VAT1L: variants seen among roughly 807,000 people sequenced by gnomAD.
VAT1L encodes vesicle amine transport 1 like.
A neutral mutation model predicts 44.1 loss-of-function variants in VAT1L; 34 were observed. That is an observed-to-expected ratio of 0.77 (90% CI 0.59 to 1.03). The LOEUF (loss-of-function observed/expected upper bound fraction) is 1.03. Ranked by LOEUF, VAT1L falls within the 50% of genes least tolerant of loss-of-function variation. The pLI, the probability that VAT1L is intolerant of heterozygous loss-of-function variation, is 0.00. For missense variants in VAT1L, 615 were observed against 538.8 expected (o/e 1.14, Z -1.40); for synonymous variants, 253 against 202.2 (o/e 1.25, Z -2.13).
intron 2 of VAT1L, among the ~76,000 whole-genome samples, chr16:77,820,153 A>G (rs961671254): frequency 6.6e-6 from 1 of 152,144 alleles, no homozygotes; most frequent in African/African-American, 2.4e-5. Flanking sequence ...GAATCAGACT[A>G]TCTGAGGCCA....
intron 5 of VAT1L, among the ~76,000 whole-genome samples, chr16:77,878,783 G>C (rs1242063599): frequency 6.6e-6 from 1 of 152,100 alleles, no homozygotes; most frequent in African/African-American, 2.4e-5. Context: ...CCCCTCACTT[G>C]CTGGGGAATC....
chr16:77,840,114 C>A (rs1267617595), intron 3 of VAT1L, among the ~76,000 whole-genome samples: 2 of 152,122 alleles, frequency 1.3e-5, no homozygotes, highest in African/African-American at 4.8e-5. Flanking sequence ...TCTATGGAAT[C>A]GTTAGCTCTC....
intron 7 of VAT1L, chr16:77,892,861 CA>C: frequency 9.6e-7 from 1 of 1,036,496 alleles, no homozygotes. Context: ...GCTTTGGGTC[CA>C]GGAATGGCAA....
At chr16:77,916,682 T>C (rs574616121) in intron 7 of VAT1L, among the ~76,000 whole-genome samples, 1 of 152,318 alleles carries the variant, frequency 6.6e-6, no homozygotes, top group South Asian at 2.1e-4. Context: ...TTATCACCTA[T>C]AGAATGTCAA....
chr16:77,817,299 C>A (rs1383284228), intron 2 of VAT1L, among the ~76,000 whole-genome samples: 2 of 152,180 alleles, frequency 1.3e-5, no homozygotes, highest in Admixed American at 1.3e-4. Flanking sequence ...TCATTCATGT[C>A]ATGCAGCTAT....
intron 7 of VAT1L, among the ~76,000 whole-genome samples, chr16:77,894,229 C>T (rs561988256): frequency 2.0e-5 from 3 of 152,314 alleles, no homozygotes; most frequent in Admixed American, 2.0e-4. Context: ...CACAGAAAGG[C>T]AGCAGTAAAG....
rs1481660703 is a variant in VAT1L, at chr16:77,879,669, C to G, written c.882+445C>G. Among the ~76,000 whole-genome samples the G allele has an allele frequency of 6.6e-6, 1 of 152,216 alleles. No homozygotes were observed. The highest frequency in any genetic ancestry group is 1.5e-5 in the Non-Finnish European group (1 of 68,048). Reference sequence around the variant, plus strand: ...TTCCCATAAAACCTGCACTCCTGCCCTATTCCCTGCAAATGGTCAGGACCA... The same window carrying G: ...TTCCCATAAAACCTGCACTCCTGCCGTATTCCCTGCAAATGGTCAGGACCA... On this transcript the variant is annotated intron_variant, in intron 6 of 8. Coordinates refer to ENST00000302536, the MANE Select transcript of VAT1L (RefSeq NM_020927.3). The surrounding 1 kb of genome is among the most constrained non-coding windows in gnomAD (Gnocchi z 4.1).
intron 8 of VAT1L, among the ~76,000 whole-genome samples, chr16:77,976,348 G>C (rs2018339809): frequency 6.6e-6 from 1 of 152,210 alleles, no homozygotes; most frequent in African/African-American, 2.4e-5. Flanking sequence ...GCTTCCTTGA[G>C]GAAGCAGGAT....
chr16:77,897,546 C>G (rs142277280), intron 7 of VAT1L, among the ~76,000 whole-genome samples: 1 of 152,214 alleles, frequency 6.6e-6, no homozygotes, highest in South Asian at 2.1e-4. Flanking sequence ...TCTCGGCTCA[C>G]TGCAACCTCT....
intron 1 of VAT1L, 79 bp from the exon 2 acceptor site, chr16:77,816,833 AAAAGAAAAG>A (rs1254048093): frequency 6.4e-5 from 93 of 1,453,616 alleles, no homozygotes; most frequent in Middle Eastern, 4.0e-4. Context: ...GGAAAGGAGG[AAAAGAAAAG>A]AAAGAAAAGA....
intron 7 of VAT1L, among the ~76,000 whole-genome samples, chr16:77,933,847 T>G (rs1185170508): frequency 6.6e-6 from 1 of 152,166 alleles, no homozygotes; most frequent in African/African-American, 2.4e-5. Context: ...AGATGGCACA[T>G]AGCCTAGGTC....
intron 7 of VAT1L, among the ~76,000 whole-genome samples, chr16:77,886,040 TA>T (rs141562661): frequency 0.039 from 5,899 of 152,174 alleles, 385 homozygotes; most frequent in African/African-American, 0.14. Context: ...ACCAAAAACA[TA>T]AGGAGAAAAT....
intron 7 of VAT1L, among the ~76,000 whole-genome samples, chr16:77,903,068 A>G (rs982424061): frequency 3.9e-5 from 6 of 152,126 alleles, no homozygotes; most frequent in Admixed American, 6.6e-5. Context: ...AATGTGCAGC[A>G]TTCCCTTTCT....
At chr16:77,938,020 CA>C (rs926874162) in intron 7 of VAT1L, among the ~76,000 whole-genome samples, 28 of 152,342 alleles carry the variant, frequency 1.8e-4, no homozygotes, top group African/African-American at 6.3e-4. Flanking sequence ...GCGTAAAGGG[CA>C]AAACCCTTCT....
rs140474550 is a variant in VAT1L, at chr16:77,910,994, G to C, written c.1077+26192G>C. Among the ~76,000 whole-genome samples the C allele has an allele frequency of 5.0e-3, 761 of 152,300 alleles. 13 individuals carry two copies. Among genetic ancestry groups the C allele is most frequent in the East Asian group, 0.027 (138 of 5,178 alleles). On this transcript the variant is annotated intron_variant, in intron 7 of 8. Coordinates refer to ENST00000302536, the MANE Select transcript of VAT1L (RefSeq NM_020927.3). ...TCCCAGAGTCACATTGCTAACAAGT[G>C]GCACAGCAGGGATCTGAACCCATGC... is the stretch of plus-strand genomic sequence containing the variant.
At chr16:77,927,035 T>C (rs759608269) in intron 7 of VAT1L, among the ~76,000 whole-genome samples, 1 of 152,074 alleles carries the variant, frequency 6.6e-6, no homozygotes, top group Non-Finnish European at 1.5e-5. Context: ...CCTGAGGAAT[T>C]AGTACACATC....
In VAT1L at chr16:77,828,157, G is replaced by T. The variant is rs1299938457; in HGVS notation, c.579+2696G>T. 2.0e-5 allele frequency among the ~76,000 whole-genome samples: 3 copies of T among 152,306 alleles called. No homozygotes were observed. The East Asian group carries it at 5.8e-4, about 29-fold the overall frequency. On this transcript the variant is annotated intron_variant, in intron 3 of 8. Coordinates refer to ENST00000302536, the MANE Select transcript of VAT1L (RefSeq NM_020927.3). ...TGAACACTCCGCTGAGCCGGGATGGGTGGGGCACTGTCTTACAAAATCTAA... is the reference window on the plus strand; with the variant it reads ...TGAACACTCCGCTGAGCCGGGATGGTTGGGGCACTGTCTTACAAAATCTAA...
chr16:77,936,623 C>G (rs373979924), intron 7 of VAT1L, among the ~76,000 whole-genome samples: 6 of 152,142 alleles, frequency 3.9e-5, no homozygotes, highest in African/African-American at 1.2e-4. Context: ...CTTAGTGAAG[C>G]GAGAGAGCGT....
chr16:77,911,762 TG>T (rs1303219119), intron 7 of VAT1L, among the ~76,000 whole-genome samples: 1 of 152,000 alleles, frequency 6.6e-6, no homozygotes, highest in Admixed American at 6.5e-5. Flanking sequence ...GGCTGAGATA[TG>T]AAGAAAGGGA....
Sources: gnomAD v4.1 joint callset for allele counts (sites outside exome capture counted in the v4.1 genomes callset) on GRCh38, gnomAD v4.1.1 for gene constraint, Gnocchi (gnomAD v3.1) non-coding constraint, MANE v1.5 for transcripts, NCBI Gene and HGNC (gene_info 2026-07-23, HGNC 2026-07-21) for gene names.